The following KDM4C variants were observed in gnomAD, a reference collection of about 807,000 sequenced individuals.
KDM4C encodes lysine demethylase 4C, also known as lysine-specific demethylase 4C.
A neutral mutation model predicts 129.3 loss-of-function variants in KDM4C; 81 were observed. That is an observed-to-expected ratio of 0.63 (90% CI 0.52 to 0.75). KDM4C has a LOEUF of 0.75. Ranked by LOEUF, KDM4C falls within the 30% of genes least tolerant of loss-of-function variation. The probability of loss-of-function intolerance (pLI) is 0.00; values close to 1 mark genes in which losing one functional copy is unlikely to be tolerated. For synonymous variants in KDM4C, 573 were observed against 456.1 expected, an observed-to-expected ratio of 1.26 and a Z score of -3.26; for missense variants, 1,457 against 1,304.0, an observed-to-expected ratio of 1.12 and a Z score of -1.81.
At chr9:7,008,552 C>T (rs569837026) in intron 12 of KDM4C, among the ~76,000 whole-genome samples, 1 of 152,300 alleles carries the variant, frequency 6.6e-6, no homozygotes, top group South Asian at 2.1e-4. Flanking sequence ...CTAGTGAACC[C>T]TGGGTACAGG....
In KDM4C at chr9:6,758,208, C is replaced by G; in HGVS notation, c.-18+5C>G. ...TCGCCCCAACCCGCGCGCCAGGTAA[C>G]CGCTTTTCCGGAGTCTGGGGGCCAG... is the stretch of plus-strand genomic sequence containing the variant. On this transcript the variant is annotated splice_donor_5th_base_variant and intron_variant, in intron 1 of 21. Coordinates refer to ENST00000381309, the MANE Select transcript of KDM4C (RefSeq NM_015061.6). This position sits in a 1 kb window ranked among gnomAD's most constrained non-coding sequence, Gnocchi z 4.6. 1 of 985,870 alleles carries G rather than the reference C, an allele frequency of 1.0e-6. No homozygotes were observed. Among genetic ancestry groups the G allele is most frequent in the Non-Finnish European group, 1.2e-6 (1 of 830,290 alleles). The allele number at this position is 985,870 out of a possible 1,614,324, so 61.1% of individuals were successfully genotyped here.
intron 12 of KDM4C, among the ~76,000 whole-genome samples, chr9:6,998,502 C>G (rs1820171843): frequency 6.6e-6 from 1 of 152,114 alleles, no homozygotes; most frequent in Non-Finnish European, 1.5e-5. Context: ...TTTATTAGAA[C>G]AATTGTTTAT....
intron 1 of KDM4C, among the ~76,000 whole-genome samples, chr9:6,791,288 T>C (rs1368613559): frequency 1.3e-5 from 2 of 152,200 alleles, no homozygotes; most frequent in Admixed American, 6.5e-5. Flanking sequence ...ATTTTTTATA[T>C]TTTTAGTAGA....
chr9:6,740,257 GCAGTGATGCAATCT>G (rs1563920329), intron 1 of KDM4C, among the ~76,000 whole-genome samples: 1 of 151,952 alleles, frequency 6.6e-6, no homozygotes, highest in African/African-American at 2.4e-5. Context: ...AGGCTGGAGT[GCAGTGATGCAATCT>G]CGTCTCACTG....
intron 15 of KDM4C, among the ~76,000 whole-genome samples, chr9:7,039,835 G>T (rs1466645019): frequency 6.6e-6 from 1 of 152,036 alleles, no homozygotes; most frequent in Non-Finnish European, 1.5e-5. Context: ...AGCTGACTCA[G>T]GGGTGGCAGA....
chr9:6,797,611 C>T (rs1218359832), intron 2 of KDM4C, among the ~76,000 whole-genome samples: 1 of 151,964 alleles, frequency 6.6e-6, no homozygotes, highest in African/African-American at 2.4e-5. Flanking sequence ...GAAATTGGTC[C>T]CCAACAGAAA....
chr9:6,824,180 A>G (rs530233456), intron 4 of KDM4C, among the ~76,000 whole-genome samples: 1 of 152,200 alleles, frequency 6.6e-6, no homozygotes, highest in African/African-American at 2.4e-5. Flanking sequence ...ACAGAGGATG[A>G]AGGTTACTTG....
At chr9:7,013,711 G>A (rs1339981444) in intron 13 of KDM4C, 77 bp from the exon 14 acceptor site, 3 of 1,346,958 alleles carry the variant, frequency 2.2e-6, no homozygotes, top group Admixed American at 1.9e-5. Context: ...TGGAACAGGA[G>A]TTAGTGGATT....
intron 18 of KDM4C, among the ~76,000 whole-genome samples, chr9:7,124,185 TATA>T (rs1839796221): frequency 6.6e-6 from 1 of 152,216 alleles, no homozygotes; most frequent in Non-Finnish European, 1.5e-5. Context: ...GTAATCAGCT[TATA>T]ATGCAAATCC....
intron 5 of KDM4C, among the ~76,000 whole-genome samples, chr9:6,877,463 G>C (rs1012570970): frequency 6.6e-6 from 1 of 152,146 alleles, no homozygotes. Context: ...ACCTCCCAAA[G>C]TGCTGGGATT....
chr9:6,801,614 A>T (rs961939453), intron 2 of KDM4C, among the ~76,000 whole-genome samples: 1 of 149,468 alleles, frequency 6.7e-6, no homozygotes, highest in African/African-American at 2.5e-5. Flanking sequence ...TCTTGTGCAG[A>T]TATGCTCTCT....
chr9:7,093,173 T>G (rs1836001545), intron 17 of KDM4C, among the ~76,000 whole-genome samples: 1 of 152,086 alleles, frequency 6.6e-6, no homozygotes, highest in Admixed American at 6.5e-5. Flanking sequence ...TGAATTTACC[T>G]TACTCCTCTG....
intron 17 of KDM4C, among the ~76,000 whole-genome samples, chr9:7,097,726 T>A (rs1388625583): frequency 6.6e-6 from 1 of 152,226 alleles, no homozygotes; most frequent in African/African-American, 2.4e-5. Context: ...ATCTTTCCTA[T>A]TGTGATTATG....
At chr9:6,864,138 C>G (rs1451232543) in intron 5 of KDM4C, among the ~76,000 whole-genome samples, 1 of 152,128 alleles carries the variant, frequency 6.6e-6, no homozygotes, top group Non-Finnish European at 1.5e-5. Flanking sequence ...TTTTTCCCCT[C>G]CCTGCTTCGT....
At chr9:6,804,407 A>G (rs1348026139) in intron 2 of KDM4C, among the ~76,000 whole-genome samples, 2 of 152,216 alleles carry the variant, frequency 1.3e-5, no homozygotes, top group Non-Finnish European at 2.9e-5. Flanking sequence ...AAAGCTGGTT[A>G]TTAAAGATCT....
At chr9:7,003,274 G>A (rs936485835) in intron 12 of KDM4C, among the ~76,000 whole-genome samples, 1 of 152,166 alleles carries the variant, frequency 6.6e-6, no homozygotes, top group South Asian at 2.1e-4. Flanking sequence ...TGTTAATAGT[G>A]TAGATAAACT....
At chr9:6,771,811 C>G (rs1821904106) in intron 1 of KDM4C, among the ~76,000 whole-genome samples, 1 of 151,834 alleles carries the variant, frequency 6.6e-6, no homozygotes, top group Non-Finnish European at 1.5e-5. Flanking sequence ...GAGGGGCTCG[C>G]TGCCCAGGCT....
At chr9:6,950,829 T>G (rs1046164375) in intron 8 of KDM4C, among the ~76,000 whole-genome samples, 3 of 152,198 alleles carry the variant, frequency 2.0e-5, no homozygotes, top group African/African-American at 7.2e-5. Flanking sequence ...CAGTATCTTT[T>G]CTTTGACTGC....
chr9:6,807,742 G>C (rs1417647415), intron 3 of KDM4C, among the ~76,000 whole-genome samples: 1 of 146,324 alleles, frequency 6.8e-6, no homozygotes, highest in Non-Finnish European at 1.5e-5. Flanking sequence ...CCCCATCTGG[G>C]AAGTGAGGAG....
Sources: gnomAD v4.1 joint callset for allele counts (sites outside exome capture counted in the v4.1 genomes callset) on GRCh38, gnomAD v4.1.1 for gene constraint, Gnocchi (gnomAD v3.1) non-coding constraint, MANE v1.5 for transcripts, NCBI Gene and HGNC (gene_info 2026-07-23, HGNC 2026-07-21) for gene names.